SLC25A26: variants seen among roughly 807,000 people sequenced by gnomAD.
The protein encoded by SLC25A26 is solute carrier family 25 member 26.
SLC25A26 carries 36 observed loss-of-function variants against 37.8 expected under a neutral mutation model. The observed-to-expected ratio is 0.95, with a 90% CI of 0.73 to 1.26. The LOEUF is 1.26. Ranked by LOEUF, SLC25A26 falls within the 50% of genes most tolerant of loss-of-function variation. The pLI is 0.00. For synonymous variants in SLC25A26, 129 were observed against 122.5 expected, an observed-to-expected ratio of 1.05 and a Z score of -0.35; for missense variants, 390 against 331.1, an observed-to-expected ratio of 1.18 and a Z score of -1.38.
At chr3:66,192,275 C>A (rs977842277) in intron 1 of SLC25A26, among the ~76,000 whole-genome samples, 111 of 144,428 alleles carry the variant, frequency 7.7e-4, no homozygotes, top group African/African-American at 2.8e-3. Context: ...GAGATTGCAC[C>A]ACTGCACTCC....
In SLC25A26 at chr3:66,261,744, T is replaced by C. The variant is rs78864804; in HGVS notation, c.301-307T>C. On this transcript the variant is annotated intron_variant, in intron 3 of 9. Transcript: ENST00000354883. ...ATGTGCCAGTTGCAGTTCTGGGCGTTGGGGATTCGAAATGAGTAAATGTGC... is the reference window on the plus strand; with the variant it reads ...ATGTGCCAGTTGCAGTTCTGGGCGTCGGGGATTCGAAATGAGTAAATGTGC... 0.027 allele frequency: 5,745 copies of C among 216,518 alleles called. 359 individuals carry two copies. Among genetic ancestry groups the C allele is most frequent in the African/African-American group, 0.13 (5,330 of 42,548 alleles). The allele number at this position is 216,518 out of a possible 1,614,324, so 13.4% of individuals were successfully genotyped here.
intron 6 of SLC25A26, among the ~76,000 whole-genome samples, chr3:66,350,715 A>C (rs79542643): frequency 0.029 from 1,919 of 67,324 alleles, 47 homozygotes; most frequent in African/African-American, 0.066. Context: ...TGTGTGTGTG[A>C]GCGCGCGCGT....
chr3:66,336,992 CAT>C (rs968471371), intron 5 of SLC25A26, among the ~76,000 whole-genome samples: 26 of 152,070 alleles, frequency 1.7e-4, no homozygotes, highest in African/African-American at 2.4e-4. Context: ...CTAAATCAGA[CAT>C]GTGTTGGAAA....
intron 1 of SLC25A26, among the ~76,000 whole-genome samples, chr3:66,151,867 T>C (rs1439355086): frequency 6.6e-6 from 1 of 152,236 alleles, no homozygotes; most frequent in Admixed American, 6.5e-5. Context: ...TTTTTAAGAA[T>C]AGGGACTATT....
At chr3:66,353,667 TG>T (rs1476386852) in intron 6 of SLC25A26, among the ~76,000 whole-genome samples, 1 of 152,264 alleles carries the variant, frequency 6.6e-6, no homozygotes, top group Non-Finnish European at 1.5e-5. Flanking sequence ...TAGGAAAGCC[TG>T]GCCAGCATAT....
At chr3:66,351,756 A>G (rs1168478729) in intron 6 of SLC25A26, among the ~76,000 whole-genome samples, 4 of 152,138 alleles carry the variant, frequency 2.6e-5, no homozygotes, top group African/African-American at 7.2e-5. Context: ...TGCTTGCTCA[A>G]ATAGAAACTT....
chr3:66,377,889 C>A lies in SLC25A26; in HGVS notation c.*82C>A. ...CTCTTCCGCTGAGCAGCTGTCTGAA[C>A]TATAGGCCCCAGTGCTGAAGACCAG... On this transcript the variant is annotated 3_prime_UTR_variant, in exon 10 of 10. Transcript: ENST00000354883. 3 of 1,057,164 alleles carry A rather than the reference C, an allele frequency of 2.8e-6. No homozygotes were observed. The highest frequency in any genetic ancestry group is 4.4e-6 in the Non-Finnish European group (3 of 686,186). 65.5% of individuals were successfully genotyped at this position (1,057,164 alleles called of 1,614,324 possible). A position where few individuals can be genotyped will look rare whatever the true frequency, so the allele number is the denominator to read the frequency against.
chr3:66,240,086 T>C (rs560212085), intron 2 of SLC25A26, among the ~76,000 whole-genome samples: 1 of 152,274 alleles, frequency 6.6e-6, no homozygotes, highest in South Asian at 2.1e-4. Flanking sequence ...ACATAAGAAC[T>C]GGGAGAGATC....
chr3:66,197,845 C>T (rs1375804123), intron 1 of SLC25A26, among the ~76,000 whole-genome samples: 3 of 151,836 alleles, frequency 2.0e-5, no homozygotes, highest in African/African-American at 7.3e-5. Context: ...GTGAATCTGA[C>T]AATAAAATTC....
At chr3:66,318,318 G>T (rs1381646488) in intron 5 of SLC25A26, among the ~76,000 whole-genome samples, 1 of 152,168 alleles carries the variant, frequency 6.6e-6, no homozygotes, top group African/African-American at 2.4e-5. Context: ...GCTCATGAGG[G>T]GGACCTGCTG....
At chr3:66,258,844 CT>C (rs3031757) in intron 3 of SLC25A26, among the ~76,000 whole-genome samples, 16,329 of 138,040 alleles carry the variant, frequency 0.12, 904 homozygotes, top group Non-Finnish European at 0.14. Context: ...CTTTCCTTTT[CT>C]TTTTTTTTTT....
chr3:66,365,208 T>A (rs1040488741), intron 7 of SLC25A26, among the ~76,000 whole-genome samples: 2 of 152,212 alleles, frequency 1.3e-5, no homozygotes, highest in Non-Finnish European at 2.9e-5. Context: ...GTGATGAAAC[T>A]TGCCCTCAAA....
chr3:66,373,585 G>A (rs1700470389), intron 9 of SLC25A26, among the ~76,000 whole-genome samples: 1 of 152,148 alleles, frequency 6.6e-6, no homozygotes, highest in Non-Finnish European at 1.5e-5. Context: ...TAAGGTAGGA[G>A]CAGGGAGGCT....
intron 1 of SLC25A26, among the ~76,000 whole-genome samples, chr3:66,184,105 G>A (rs1426413825): frequency 2.0e-5 from 3 of 151,718 alleles, no homozygotes; most frequent in South Asian, 2.1e-4. Flanking sequence ...CACCCTCCCC[G>A]TGACTGAGAC....
intron 5 of SLC25A26, among the ~76,000 whole-genome samples, chr3:66,334,233 A>G (rs940046686): frequency 6.6e-6 from 1 of 152,170 alleles, no homozygotes; most frequent in Non-Finnish European, 1.5e-5. Context: ...TCCCTGTCCC[A>G]TAGTCAGACT....
chr3:66,152,943 T>C lies in SLC25A26; in HGVS notation c.-354+18959T>C, dbSNP rs1171078131. 3.3e-5 allele frequency among the ~76,000 whole-genome samples: 5 copies of C among 152,166 alleles called. 1 individual carries two copies. The South Asian group carries it at 8.3e-4, about 25-fold the overall frequency. On this transcript the variant is annotated intron_variant, in intron 1 of 10. Transcript: ENST00000676754. ...ATTACCTGGGAAATTTTTACAAATA[T>C]AGATGTCTAGATTTGTAAAATAAGT...
chr3:66,304,867 A>G (rs1237544000), intron 5 of SLC25A26, among the ~76,000 whole-genome samples: 1 of 152,216 alleles, frequency 6.6e-6, no homozygotes, highest in South Asian at 2.1e-4. Context: ...TATAACATGT[A>G]CTATGATTTA....
At chr3:66,332,080 C>T (rs375674950) in intron 5 of SLC25A26, among the ~76,000 whole-genome samples, 12 of 152,042 alleles carry the variant, frequency 7.9e-5, no homozygotes, top group East Asian at 5.8e-4. Flanking sequence ...TACAGGTGCG[C>T]GACACCAAAA....
At chr3:66,150,247 C>T (rs1431916318) in intron 1 of SLC25A26, among the ~76,000 whole-genome samples, 2 of 151,682 alleles carry the variant, frequency 1.3e-5, no homozygotes, top group South Asian at 2.1e-4. Context: ...CCTTTAATCC[C>T]AGTACTTTGG....
Sources: allele counts gnomAD v4.1 joint callset (sites outside exome capture counted in the v4.1 genomes callset), GRCh38; gene constraint gnomAD v4.1.1; transcripts MANE v1.5; gene names NCBI Gene and HGNC (gene_info 2026-07-23, HGNC 2026-07-21).